MGST1: variants seen among roughly 807,000 people sequenced by gnomAD.
MGST1 encodes glutathione S-transferase 12.
In MGST1, 5 loss-of-function variants were observed where a neutral mutation model predicts 8.9. The ratio of observed to expected loss-of-function variants is 0.56; its 90% CI spans 0.29 to 1.19. The LOEUF (loss-of-function observed/expected upper bound fraction) is 1.19. Ranked by LOEUF, MGST1 falls within the 50% of genes most tolerant of loss-of-function variation. MGST1 has a pLI of 0.08. For synonymous variants in MGST1, 54 were observed against 67.8 expected (o/e 0.80, Z 1.00); for missense variants, 182 against 187.4 (o/e 0.97, Z 0.17).
rs1358143276 is a variant in MGST1 at position 16,537,541 on chromosome 12, C to T, written n.483-51987C>T. 6.6e-6 allele frequency among the ~76,000 whole-genome samples: 1 copy of T among 152,242 alleles called. No homozygotes were observed. The highest frequency in any genetic ancestry group is 1.5e-5 in the Non-Finnish European group (1 of 68,046). ...CCGCACTGCCCTAGCAGAGATTCTC[C>T]ATGAGGGCCCTGCCTCTGCAGCACA... is the stretch of plus-strand genomic sequence containing the variant. On this transcript the variant is annotated intron_variant and non_coding_transcript_variant, in intron 4 of 4. Transcript: ENST00000538857. This position sits in a 1 kb window ranked among gnomAD's most constrained non-coding sequence, Gnocchi z 4.6.
chr12:16,404,888 C>G (rs1335292865), intron 1 of MGST1, among the ~76,000 whole-genome samples: 1 of 152,052 alleles, frequency 6.6e-6, no homozygotes. Flanking sequence ...GAGTGTGGAT[C>G]TACTGGTGGC....
chr12:16,374,153 T>C (rs369425025), intron 3 of MGST1, among the ~76,000 whole-genome samples: 5 of 152,174 alleles, frequency 3.3e-5, no homozygotes, highest in African/African-American at 1.2e-4. Flanking sequence ...AATCACTTCA[T>C]AGCCAATGCC....
intron 4 of MGST1, among the ~76,000 whole-genome samples, chr12:16,472,296 A>G (rs1312161517): frequency 6.6e-6 from 1 of 152,176 alleles, no homozygotes; most frequent in Non-Finnish European, 1.5e-5. Flanking sequence ...ATTACTGTCA[A>G]ATTACAAGTA....
In MGST1 at chr12:16,587,782, A is replaced by G. The variant is rs1182123476; in HGVS notation, n.483-1746A>G. On this transcript the variant is annotated intron_variant and non_coding_transcript_variant, in intron 4 of 4. Coordinates refer to the MGST1 transcript ENST00000538857. This position sits in a 1 kb window ranked among gnomAD's most constrained non-coding sequence, Gnocchi z 4.3. ...GGGTTCTCTTAGCATTTATCTGTCT[A>G]AAAATCTCACTGTGTCCTGAATGGG... is the stretch of plus-strand genomic sequence containing the variant. Among the ~76,000 whole-genome samples, 1 of 151,994 alleles carries G rather than the reference A, an allele frequency of 6.6e-6. No homozygotes were observed. The highest frequency in any genetic ancestry group is 1.9e-4 in the East Asian group (1 of 5,168).
At chr12:16,404,285 A>G (rs1296046488) in intron 1 of MGST1, among the ~76,000 whole-genome samples, 4 of 152,122 alleles carry the variant, frequency 2.6e-5, no homozygotes, top group African/African-American at 9.6e-5. Context: ...ATTACTTGAT[A>G]TATTTTTTCC....
intron 4 of MGST1, among the ~76,000 whole-genome samples, chr12:16,518,080 C>G (rs1941625841): frequency 6.6e-6 from 1 of 152,186 alleles, no homozygotes; most frequent in Admixed American, 6.5e-5. Flanking sequence ...CATCCATGTG[C>G]CTTCAGGTCA....
downstream of MGST1, among the ~76,000 whole-genome samples, chr12:16,377,381 G>A (rs2137034296): frequency 6.9e-6 from 1 of 144,654 alleles, no homozygotes; most frequent in South Asian, 2.2e-4. Context: ...CCACCTATGA[G>A]TGAGAACATA....
intron 4 of MGST1, among the ~76,000 whole-genome samples, chr12:16,545,407 G>T (rs1332641982): frequency 1.3e-5 from 2 of 152,022 alleles, no homozygotes; most frequent in Non-Finnish European, 2.9e-5. Context: ...CAGGGTGGGT[G>T]CCCACAGTTC....
At chr12:16,530,901 T>C (rs1384279945) in intron 4 of MGST1, among the ~76,000 whole-genome samples, 2 of 151,976 alleles carry the variant, frequency 1.3e-5, no homozygotes, top group African/African-American at 4.8e-5. Flanking sequence ...TCTTTGCCCA[T>C]GAGGTAATAA....
At chr12:16,510,887 A>T (rs1390885369) in intron 4 of MGST1, among the ~76,000 whole-genome samples, 1 of 152,218 alleles carries the variant, frequency 6.6e-6, no homozygotes, top group East Asian at 1.9e-4. Flanking sequence ...AACTCTCATG[A>T]TTATTTAACA....
At chr12:16,545,429 G>T (rs1157673120) in intron 4 of MGST1, among the ~76,000 whole-genome samples, 2 of 151,972 alleles carry the variant, frequency 1.3e-5, no homozygotes, top group Non-Finnish European at 2.9e-5. Flanking sequence ...GACATATATA[G>T]TTTTTCTAGG....
At chr12:16,452,739 AT>A (rs1407793012) in intron 4 of MGST1, among the ~76,000 whole-genome samples, 1 of 151,882 alleles carries the variant, frequency 6.6e-6, no homozygotes, top group African/African-American at 2.4e-5. Flanking sequence ...AAACTAAAAA[AT>A]GTTTTAAAAA....
At chr12:16,417,885 G>C (rs1565450349) in intron 1 of MGST1, among the ~76,000 whole-genome samples, 1 of 152,098 alleles carries the variant, frequency 6.6e-6, no homozygotes, top group Admixed American at 6.5e-5. Context: ...AAGCAGTAAA[G>C]CAAGTATTTA....
intron 4 of MGST1, among the ~76,000 whole-genome samples, chr12:16,496,731 G>T (rs1295715272): frequency 6.6e-6 from 1 of 151,944 alleles, no homozygotes; most frequent in Non-Finnish European, 1.5e-5. Flanking sequence ...TGCGGTATTT[G>T]GTTTTCTGTT....
intron 1 of MGST1, among the ~76,000 whole-genome samples, chr12:16,386,631 T>C (rs1482823480): frequency 1.3e-5 from 2 of 152,254 alleles, no homozygotes; most frequent in Admixed American, 6.5e-5. Context: ...ATGCCTGATG[T>C]TACTGTATAT....
chr12:16,535,275 C>A (rs1013256950), intron 4 of MGST1, among the ~76,000 whole-genome samples: 1 of 152,134 alleles, frequency 6.6e-6, no homozygotes, highest in African/African-American at 2.4e-5. Flanking sequence ...AAAGGGTGGT[C>A]ATCAATGAAC....
intron 1 of MGST1, among the ~76,000 whole-genome samples, chr12:16,351,898 C>T (rs931380163): frequency 6.6e-6 from 1 of 151,498 alleles, no homozygotes; most frequent in Non-Finnish European, 1.5e-5. Context: ...TAATACCTCA[C>T]CACATAACTG....
intron 4 of MGST1, among the ~76,000 whole-genome samples, chr12:16,472,915 C>G (rs1186783073): frequency 6.6e-6 from 1 of 152,164 alleles, no homozygotes; most frequent in East Asian, 1.9e-4. Context: ...ATCTGGAAAT[C>G]CTTGCATCGG....
chr12:16,399,353 A>G (rs1940633076), intron 1 of MGST1: 18 of 1,553,780 alleles, frequency 1.2e-5, no homozygotes, highest in Non-Finnish European at 1.6e-5. Context: ...CATGGCCCAA[A>G]CTGTGCACAG....
Sources: allele counts gnomAD v4.1 joint callset (sites outside exome capture counted in the v4.1 genomes callset), GRCh38; gene constraint gnomAD v4.1.1; non-coding constraint Gnocchi (gnomAD v3.1); transcripts MANE v1.5; gene names NCBI Gene and HGNC (gene_info 2026-07-23, HGNC 2026-07-21).